FOXP2: variants seen among roughly 807,000 people sequenced by gnomAD.
FOXP2 encodes the protein forkhead box protein P2.
Under a neutral mutation model 115.8 loss-of-function variants are expected in FOXP2, and 12 were observed. That is an observed-to-expected ratio of 0.10 (90% CI 0.07 to 0.17). FOXP2 has a LOEUF of 0.17. Ranked by LOEUF, FOXP2 falls within the 10% of genes least tolerant of loss-of-function variation. The probability of loss-of-function intolerance (pLI) is 1.00; values close to 1 mark genes in which losing one functional copy is unlikely to be tolerated. For missense variants in FOXP2, 629 were observed against 843.5 expected, an observed-to-expected ratio of 0.75 and a Z score of 3.15; for synonymous variants, 328 against 297.7, an observed-to-expected ratio of 1.10 and a Z score of -1.05.
chr7:114,353,803 C>T (rs779113761), intron 2 of FOXP2, among the ~76,000 whole-genome samples: 2 of 152,098 alleles, frequency 1.3e-5, no homozygotes, highest in Non-Finnish European at 2.9e-5. Flanking sequence ...TCATAGTCTT[C>T]TGCCCCAATC....
chr7:114,233,733 C>T (rs1196633724), intron 1 of FOXP2, among the ~76,000 whole-genome samples: 2 of 152,224 alleles, frequency 1.3e-5, no homozygotes, highest in African/African-American at 4.8e-5. Flanking sequence ...ACAGCAGTGG[C>T]TGGGCATGGT....
chr7:114,612,530 T>A (rs1395188888), intron 3 of FOXP2, among the ~76,000 whole-genome samples: 1 of 131,482 alleles, frequency 7.6e-6, no homozygotes, highest in African/African-American at 3.1e-5. Flanking sequence ...GATTAAGAAA[T>A]GACATTCAAG....
chr7:114,120,439 TAATCA>T (rs145863408), intron 1 of FOXP2, among the ~76,000 whole-genome samples: 252 of 152,188 alleles, frequency 1.7e-3, no homozygotes, highest in African/African-American at 5.7e-3. Context: ...GTGGCTAGCA[TAATCA>T]AATCAAAGTT....
chr7:114,629,603 T>A lies in FOXP2; in HGVS notation c.397-202T>A. The A allele has an allele frequency of 2.6e-6, 4 of 1,556,848 alleles. No homozygotes were observed. The South Asian group carries it at 4.6e-5, about 18-fold the overall frequency. ...ACCCTTTTGTTTAGGATTTTTTGGATTCTGGATTGGAAAATTTCAGAGCTG... is the reference window on the plus strand; with the variant it reads ...ACCCTTTTGTTTAGGATTTTTTGGAATCTGGATTGGAAAATTTCAGAGCTG... On this transcript the variant is annotated intron_variant, in intron 4 of 16. Coordinates refer to ENST00000350908, the MANE Select transcript of FOXP2 (RefSeq NM_014491.4).
Position 114,690,011 on chromosome 7 carries a change from T to C in FOXP2, c.*85T>C. The C allele has an allele frequency of 6.6e-7, 1 of 1,509,206 alleles. No homozygotes were observed. Among genetic ancestry groups the C allele is most frequent in the Non-Finnish European group, 9.1e-7 (1 of 1,093,520 alleles). The allele number at this position is 1,509,206 out of a possible 1,614,324, so 93.5% of individuals were successfully genotyped here. The stretch of plus-strand genomic sequence containing the variant: ...ACAACCATGAATATTTGACAAATTT[T>C]TACTGTGACTATTTATTAAGCATGG... On this transcript the variant is annotated 3_prime_UTR_variant, in exon 17 of 17. Coordinates refer to ENST00000350908, the MANE Select transcript of FOXP2 (RefSeq NM_014491.4).
intron 1 of FOXP2, among the ~76,000 whole-genome samples, chr7:114,268,868 A>G (rs560239072): frequency 2.0e-4 from 30 of 152,318 alleles, no homozygotes; most frequent in South Asian, 1.7e-3. Context: ...TAAAGGAAAT[A>G]TAGTCAATCA....
chr7:114,395,204 G>T (rs529096226), intron 2 of FOXP2, among the ~76,000 whole-genome samples: 21 of 152,150 alleles, frequency 1.4e-4, no homozygotes, highest in Non-Finnish European at 3.1e-4. Context: ...CAATACATTT[G>T]TTGAGTGTTT....
intron 3 of FOXP2, among the ~76,000 whole-genome samples, chr7:114,607,698 G>A (rs991227510): frequency 6.6e-6 from 1 of 152,116 alleles, no homozygotes; most frequent in African/African-American, 2.4e-5. Context: ...AGAGAATGGA[G>A]TTCAAACCTA....
intron 1 of FOXP2, among the ~76,000 whole-genome samples, chr7:114,267,359 C>T (rs1024986806): frequency 4.6e-5 from 7 of 152,144 alleles, no homozygotes; most frequent in East Asian, 3.9e-4. Context: ...TTTACTATTC[C>T]GTATTAGCCT....
chr7:114,487,855 G>C (rs1459720512), intron 2 of FOXP2, among the ~76,000 whole-genome samples: 1 of 152,118 alleles, frequency 6.6e-6, no homozygotes, highest in Non-Finnish European at 1.5e-5. Context: ...CAAGTCTCTA[G>C]GAGGTTCCAA....
intron 3 of FOXP2, among the ~76,000 whole-genome samples, chr7:114,617,103 T>G (rs569618577): frequency 6.6e-6 from 1 of 152,070 alleles, no homozygotes; most frequent in East Asian, 1.9e-4. Context: ...AAAATTAAAT[T>G]TAAAAGAACC....
chr7:114,353,297 C>T (rs889069026), intron 2 of FOXP2, among the ~76,000 whole-genome samples: 9 of 149,208 alleles, frequency 6.0e-5, no homozygotes, highest in Admixed American at 5.3e-4. Context: ...CGATAGCCCC[C>T]TCTTCTGTTG....
chr7:114,305,428 T>A (rs1341650144), intron 2 of FOXP2, among the ~76,000 whole-genome samples: 8 of 152,202 alleles, frequency 5.3e-5, no homozygotes, highest in Admixed American at 4.6e-4. Context: ...TAATCAGATT[T>A]GTTTTACTCA....
chr7:114,222,087 A>G (rs1278096839), intron 1 of FOXP2, among the ~76,000 whole-genome samples: 1 of 152,214 alleles, frequency 6.6e-6, no homozygotes, highest in Non-Finnish European at 1.5e-5. Flanking sequence ...GCCTCCCAAG[A>G]GAAATGATCT....
At chr7:114,260,231 A>G in intron 1 of FOXP2, among the ~76,000 whole-genome samples, 1 of 151,368 alleles carries the variant, frequency 6.6e-6, no homozygotes, top group Non-Finnish European at 1.5e-5. Flanking sequence ...AACAACAACA[A>G]CAACACCGCC....
Position 114,644,795 on chromosome 7 carries a change from T to C in FOXP2, c.1094+6T>C. 6.2e-7 allele frequency: 1 copy of C among 1,609,908 alleles called. No individual in the cohort carries two copies. Among genetic ancestry groups the C allele is most frequent in the Non-Finnish European group, 8.5e-7 (1 of 1,176,788 alleles). Reference sequence around the variant, plus strand: ...GATTTTGGACAGTTTTTAAAGTAGGTTTTTTACTTTTTTTTGGTGGGGGGC... The same window carrying C: ...GATTTTGGACAGTTTTTAAAGTAGGCTTTTTACTTTTTTTTGGTGGGGGGC... On this transcript the variant is annotated splice_donor_region_variant and intron_variant, in intron 8 of 16. Transcript: ENST00000350908.
At chr7:114,107,900 T>C (rs1223220549) in intron 1 of FOXP2, among the ~76,000 whole-genome samples, 4 of 151,956 alleles carry the variant, frequency 2.6e-5, no homozygotes, top group Non-Finnish European at 5.9e-5. Flanking sequence ...CCATTGTACT[T>C]ACTTAGAGGT....
intron 1 of FOXP2, among the ~76,000 whole-genome samples, chr7:114,254,069 T>C (rs943018138): frequency 1.4e-4 from 21 of 152,354 alleles, no homozygotes; most frequent in African/African-American, 5.0e-4. Flanking sequence ...TTTGGCTGTA[T>C]ATGAAATTCT....
intron 2 of FOXP2, among the ~76,000 whole-genome samples, chr7:114,313,655 G>A (rs1221743506): frequency 1.5e-5 from 1 of 66,918 alleles, no homozygotes; most frequent in Non-Finnish European, 2.6e-5. Flanking sequence ...TGAGGCAGGA[G>A]AATGGCGTGA....
Sources: allele counts gnomAD v4.1 joint callset (sites outside exome capture counted in the v4.1 genomes callset), GRCh38; gene constraint gnomAD v4.1.1; transcripts MANE v1.5; gene names NCBI Gene and HGNC (gene_info 2026-07-23, HGNC 2026-07-21).